Variants in CIT observed in about 807,000 individuals in gnomAD.
CIT encodes the protein citron Rho-interacting kinase.
CIT carries 79 observed loss-of-function variants against 272.7 expected under a neutral mutation model. The observed-to-expected ratio is 0.29, with a 90% CI of 0.24 to 0.35. The LOEUF (loss-of-function observed/expected upper bound fraction) is 0.35, where lower values mean the gene tolerates loss of function less well. Among genes scored for constraint, CIT ranks in the 10% least tolerant of loss-of-function variants. CIT has a pLI of 1.00. For synonymous variants in CIT, 948 were observed against 995.6 expected (o/e 0.95, Z 0.90); for missense variants, 1,909 against 2,618.3 (o/e 0.73, Z 5.91).
chr12:119,854,006 G>C (rs1970405694), intron 4 of CIT, among the ~76,000 whole-genome samples: 1 of 151,968 alleles, frequency 6.6e-6, no homozygotes. Context: ...GGGCAACATA[G>C]GGAGATCCCA....
At chr12:119,846,901 G>A (rs1376644531) in intron 5 of CIT, among the ~76,000 whole-genome samples, 2 of 148,254 alleles carry the variant, frequency 1.3e-5, no homozygotes, top group Non-Finnish European at 1.5e-5. Flanking sequence ...AAAAAAAAAA[G>A]AAAGAAAAAA....
rs748313870 is a variant in CIT, at chr12:119,712,695, G to A, written c.4580C>T (p.Ala1527Val). 2 of 1,613,398 alleles carry A rather than the reference G, an allele frequency of 1.2e-6. No individual in the cohort carries two copies. Among genetic ancestry groups the A allele is most frequent in the Non-Finnish European group, 1.7e-6 (2 of 1,179,476 alleles). Residue 1527 changes from alanine to valine, a missense_variant and splice_region_variant, in exon 36 of 48, where the codon GCT becomes GTT. Around this residue, in one of 8 missense-constraint regions of CIT, gnomAD observed 780 missense variants for 1,067.2 expected, o/e 0.73. Coordinates refer to ENST00000392521, the MANE Select transcript of CIT (RefSeq NM_001206999.2). This position sits in a 1 kb window ranked among gnomAD's most constrained non-coding sequence, Gnocchi z 5.2. The part of the protein sequence containing the change: ...VLIYDNEARE[A>V]GQRPVEEFEL... Reference sequence around the variant, plus strand: ...AAATTCTTCCACCGGCCTCTGTCCAGCTTGGTGCAAAGAGGAAGGGCAGAA... The same window carrying A: ...AAATTCTTCCACCGGCCTCTGTCCAACTTGGTGCAAAGAGGAAGGGCAGAA...
chr12:119,704,211 C>A (rs1956749283), intron 41 of CIT, 152 bp downstream of exon 41: 1 of 633,636 alleles, frequency 1.6e-6, no homozygotes, highest in East Asian at 2.9e-5. Context: ...AAGGATCTCG[C>A]TGACGACAGA....
chr12:119,700,776 A>C lies in CIT; in HGVS notation c.5592T>G (p.Asp1864Glu). 6.2e-7 allele frequency: 1 copy of C among 1,614,066 alleles called. No homozygotes were observed. The highest frequency in any genetic ancestry group is 8.5e-7 in the Non-Finnish European group (1 of 1,179,998). Residue 1864 changes from aspartate (D) to glutamate (E), a missense_variant, in exon 44 of 48, where the codon GAT (aspartate) becomes GAG (glutamate). Asp to Glu is a conservative substitution (Grantham distance 45). This residue lies in a region of CIT where 780 missense variants were observed against 1,067.2 expected (regional missense o/e 0.73). Transcript: ENST00000392521. ...DSYGRRSRTD[D>E]LKWSRLPLAF... ...CCAAAGGTAAGCGACTCCACTTGAG[A>C]TCGTCTGTGCGGCTACGTCTTCCGT...
intron 25 of CIT, among the ~76,000 whole-genome samples, chr12:119,734,843 G>C (rs1432689192): frequency 2.0e-5 from 3 of 151,680 alleles, no homozygotes; most frequent in African/African-American, 7.3e-5. Context: ...AAGAGATGGG[G>C]TCTCACTATA....
rs1286664739 is a variant in CIT, at chr12:119,857,968, G to A, written c.239-270C>T. The stretch of plus-strand genomic sequence containing the variant: ...ATAGACTCAGAAAATAGGGAGAGAG[G>A]ATACAAATTATGTTTTCCTTCTTCC... On this transcript the variant is annotated intron_variant, in intron 3 of 47. Transcript: ENST00000392521. Among the ~76,000 whole-genome samples the A allele has an allele frequency of 2.0e-5, 3 of 152,278 alleles. No homozygotes were observed. In the East Asian group the frequency reaches 5.8e-4, roughly 29 times the overall value.
chr12:119,701,789 A>G, intron 42 of CIT, 37 bp from the exon 43 acceptor site: 1 of 1,614,190 alleles, frequency 6.2e-7, no homozygotes, highest in Non-Finnish European at 8.5e-7. Flanking sequence ...TTCAGGAGTG[A>G]GTTCTGAGTC....
At chr12:119,753,415 G>A (rs1349946635) in intron 22 of CIT, among the ~76,000 whole-genome samples, 1 of 152,124 alleles carries the variant, frequency 6.6e-6, no homozygotes, top group East Asian at 1.9e-4. Context: ...TTGATGTGGG[G>A]CAGAGAACAA....
Position 119,850,287 on chromosome 12 carries a change from A to G in CIT, c.415-12T>C. 1 of 1,556,466 alleles carries G rather than the reference A, an allele frequency of 6.4e-7. No homozygotes were observed. The highest frequency in any genetic ancestry group is 1.1e-5 in the South Asian group (1 of 89,768). ...TCAAAAAATGAAACCTAGGGAAAAA[A>G]GAAACTGCTTAGACAATTATAAAGA... On this transcript the variant is annotated splice_polypyrimidine_tract_variant and intron_variant, in intron 4 of 47. Transcript: ENST00000392521.
intron 10 of CIT, among the ~76,000 whole-genome samples, chr12:119,789,904 T>TG (rs1965159128): frequency 6.6e-6 from 1 of 150,856 alleles, no homozygotes; most frequent in South Asian, 2.1e-4. Context: ...CTAGTACAGA[T>TG]GGGGTTTCAC....
chr12:119,735,305 T>G lies in CIT; in HGVS notation c.3011A>C (p.Glu1004Ala), dbSNP rs1159203939. The G allele has an allele frequency of 6.2e-7, 1 of 1,614,114 alleles. No homozygotes were observed. The highest frequency in any genetic ancestry group is 8.5e-7 in the Non-Finnish European group (1 of 1,180,050). ...QLNQLTEDNA[E>A]LNNQNFYLSK... ...CAAGTAGAAGTTTTGGTTGTTGAGT[T>G]CAGCGTTGTCCTCGGTCAGCTGGTT... The change falls in exon 25 of 48, where the codon GAA becomes GCA. Residue 1004 changes from glutamate (E) to alanine (A), a missense_variant. Around this residue, in one of 8 missense-constraint regions of CIT, gnomAD observed 530 missense variants for 822.4 expected, o/e 0.64. Coordinates refer to ENST00000392521, the MANE Select transcript of CIT (RefSeq NM_001206999.2).
intron 3 of CIT, among the ~76,000 whole-genome samples, chr12:119,864,600 C>T (rs1368653344): frequency 1.3e-5 from 2 of 152,330 alleles, no homozygotes; most frequent in South Asian, 4.1e-4. Flanking sequence ...CCTCCCAGTG[C>T]TGGGATTACA....
intron 10 of CIT, among the ~76,000 whole-genome samples, chr12:119,802,406 G>C (rs1341738666): frequency 6.6e-6 from 1 of 152,178 alleles, no homozygotes; most frequent in Non-Finnish European, 1.5e-5. Context: ...CTAATTCCAA[G>C]TGCTCTGTTA....
intron 9 of CIT, among the ~76,000 whole-genome samples, chr12:119,813,844 T>C (rs376858521): frequency 3.7e-4 from 57 of 152,296 alleles, no homozygotes; most frequent in Non-Finnish European, 7.1e-4. Flanking sequence ...GTCTCATTTA[T>C]GGGAAACCCA....
intron 8 of CIT, among the ~76,000 whole-genome samples, chr12:119,824,339 A>G (rs1967992126): frequency 6.6e-6 from 1 of 152,056 alleles, no homozygotes; most frequent in South Asian, 2.1e-4. Flanking sequence ...TATAAATGAA[A>G]ATAATAATAC....
chr12:119,726,011 CGTGTGT>C lies in CIT; in HGVS notation c.3591+2485_3591+2490del, dbSNP rs3999591. 4.7e-4 allele frequency among the ~76,000 whole-genome samples: 71 copies of C among 149,940 alleles called. 1 individual carries two copies. The East Asian group carries it at 4.9e-3, about 10-fold the overall frequency. Reference sequence around the variant, plus strand: ...TTCCTATGTGTGTTCACCAAATATACGTGTGTGTGTGTGTGTGTGTGTGTTTAGTAT... The same window carrying C: ...TTCCTATGTGTGTTCACCAAATATACGTGTGTGTGTGTGTGTGTTTAGTAT... On this transcript the variant is annotated intron_variant, in intron 28 of 47. Transcript: ENST00000392521.
intron 5 of CIT, among the ~76,000 whole-genome samples, chr12:119,849,313 G>T (rs1970043391): frequency 6.6e-6 from 1 of 151,976 alleles, no homozygotes; most frequent in Non-Finnish European, 1.5e-5. Flanking sequence ...TGTAATCCCA[G>T]CTACTAGGGA....
Position 119,796,128 on chromosome 12 carries a change from C to T in CIT, c.1295+7078G>A, listed in dbSNP as rs75922528. Among the ~76,000 whole-genome samples, 804 of 152,298 alleles carry T rather than the reference C, an allele frequency of 5.3e-3. 5 individuals carry two copies. The highest frequency in any genetic ancestry group is 0.018 in the African/African-American group (762 of 41,548). On this transcript the variant is annotated intron_variant, in intron 10 of 47. Transcript: ENST00000392521. ...AGGGGATGAGGAGACACAAATGAGC[C>T]GGCAGGCTGGGGTCTTGGCATACCA...
chr12:119,841,289 C>T (rs1969394010), intron 5 of CIT, among the ~76,000 whole-genome samples: 1 of 151,948 alleles, frequency 6.6e-6, no homozygotes, highest in Non-Finnish European at 1.5e-5. Flanking sequence ...ATTCTCCTGC[C>T]TCAACCTCTG....
Sources: allele counts gnomAD v4.1 joint callset (sites outside exome capture counted in the v4.1 genomes callset), GRCh38; gene constraint gnomAD v4.1.1; regional missense constraint gnomAD v4.1.1; non-coding constraint Gnocchi (gnomAD v3.1); transcripts MANE v1.5; gene names NCBI Gene and HGNC (gene_info 2026-07-23, HGNC 2026-07-21).